Variants in PPIL6 observed in about 807,000 individuals in gnomAD.
The protein encoded by PPIL6 is peptidylprolyl isomerase like 6, also known as probable inactive peptidyl-prolyl cis-trans isomerase-like 6.
In PPIL6, 39 loss-of-function variants were observed where a neutral mutation model predicts 36.8. The ratio of observed to expected loss-of-function variants is 1.06; its 90% CI spans 0.82 to 1.38. The LOEUF (loss-of-function observed/expected upper bound fraction) is 1.38, where lower values mean the gene tolerates loss of function less well. PPIL6 is among the 40% of genes most tolerant of loss of function. The pLI, the probability that PPIL6 is intolerant of heterozygous loss-of-function variation, is 0.00. For synonymous variants in PPIL6, 123 were observed against 134.1 expected (o/e 0.92, Z 0.57); for missense variants, 368 against 379.1 (o/e 0.97, Z 0.24).
chr6:109,405,901 T>C (rs1450561570), intron 6 of PPIL6, among the ~76,000 whole-genome samples: 2 of 152,230 alleles, frequency 1.3e-5, no homozygotes, highest in African/African-American at 4.8e-5. Flanking sequence ...ATTTAACATA[T>C]GTAAAACTGT....
At chr6:109,401,345 A>G (rs1418619401) in intron 6 of PPIL6, among the ~76,000 whole-genome samples, 2 of 152,240 alleles carry the variant, frequency 1.3e-5, no homozygotes, top group Non-Finnish European at 2.9e-5. Flanking sequence ...GTTCAAATAC[A>G]CAGAAGGAAA....
chr6:109,396,578 A>G (rs1253519941), intron 7 of PPIL6, among the ~76,000 whole-genome samples: 1 of 152,122 alleles, frequency 6.6e-6, no homozygotes, highest in Non-Finnish European at 1.5e-5. Context: ...TAGCTTCTCT[A>G]TCTGGCTAAC....
In PPIL6 at chr6:109,390,800, A is replaced by G. The variant is rs991389001; in HGVS notation, c.*2026T>C. ...TTTGTAAGCGTAGCCACTGGGGAAAATGGGTGAAAGGTACACAGGACTGCT... is the reference window on the plus strand; with the variant it reads ...TTTGTAAGCGTAGCCACTGGGGAAAGTGGGTGAAAGGTACACAGGACTGCT... On this transcript the variant is annotated 3_prime_UTR_variant, in exon 8 of 8. Coordinates refer to ENST00000521072, the MANE Select transcript of PPIL6 (RefSeq NM_173672.5). 3.9e-5 allele frequency: 6 copies of G among 152,184 alleles called. No individual in the cohort carries two copies. Among genetic ancestry groups the G allele is most frequent in the Admixed American group, 2.0e-4 (3 of 15,270 alleles). The allele number at this position is 152,184 out of a possible 1,614,324, so 9.4% of individuals were successfully genotyped here. A position where few individuals can be genotyped will look rare whatever the true frequency, so the allele number is the denominator to read the frequency against.
chr6:109,440,395 C>A, intron 1 of PPIL6, 61 bp downstream of exon 1: 1 of 1,518,572 alleles, frequency 6.6e-7, no homozygotes, highest in Middle Eastern at 1.7e-4. Flanking sequence ...GCCTGCAGTC[C>A]ACGCGGCCGA....
At chr6:109,440,819 C>CG, upstream of PPIL6, 1 of 383,172 alleles carries the variant, frequency 2.6e-6, no homozygotes, top group Non-Finnish European at 4.5e-6. Flanking sequence ...GCCGCCCACC[C>CG]GGGGGCGCTC....
intron 5 of PPIL6, among the ~76,000 whole-genome samples, chr6:109,426,380 A>G (rs775541168): frequency 7.2e-5 from 11 of 152,204 alleles, no homozygotes; most frequent in Non-Finnish European, 1.3e-4. Context: ...ACTGACCTGA[A>G]AAGAAAGAGA....
intron 3 of PPIL6, among the ~76,000 whole-genome samples, chr6:109,428,024 T>C (rs1773916000): frequency 6.6e-6 from 1 of 152,048 alleles, no homozygotes; most frequent in African/African-American, 2.4e-5. Flanking sequence ...GCACCAGAGA[T>C]AGGGAAGAGA....
rs1253107741 is a variant in PPIL6 at position 109,391,935 on chromosome 6, C to T, written c.*891G>A. The T allele has an allele frequency of 2.0e-5, 3 of 152,164 alleles. No homozygotes were observed. 9.4% of individuals were successfully genotyped at this position (152,164 alleles called of 1,614,324 possible). On this transcript the variant is annotated 3_prime_UTR_variant, in exon 8 of 8. Transcript: ENST00000521072. ...TATTTGGTTACTTACCAAGTTTCTC[C>T]TAGGAGTACATGTAGTTACAAACAA... is the stretch of plus-strand genomic sequence containing the variant.
chr6:109,412,077 G>A (rs1773037359), intron 6 of PPIL6, among the ~76,000 whole-genome samples: 1 of 152,250 alleles, frequency 6.6e-6, no homozygotes, highest in African/African-American at 2.4e-5. Context: ...GTCCATCAAT[G>A]TGCCATGTCA....
rs79034279 is a variant in PPIL6 at position 109,398,757 on chromosome 6, T to C, written c.824+1278A>G. Among the ~76,000 whole-genome samples, 109 of 152,336 alleles carry C rather than the reference T, an allele frequency of 7.2e-4. 1 individual carries two copies. In the East Asian group the frequency reaches 0.019, roughly 27 times the overall value. ...CCTCTTCATGATGTCCATGGACAATTATTGAAATGACTTCACCTCTTCACT... is the reference window on the plus strand; with the variant it reads ...CCTCTTCATGATGTCCATGGACAATCATTGAAATGACTTCACCTCTTCACT... On this transcript the variant is annotated intron_variant, in intron 7 of 7. Coordinates refer to ENST00000521072, the MANE Select transcript of PPIL6 (RefSeq NM_173672.5).
chr6:109,424,583 C>G (rs1035801301), intron 5 of PPIL6, among the ~76,000 whole-genome samples: 18 of 152,288 alleles, frequency 1.2e-4, no homozygotes, highest in African/African-American at 4.3e-4. Flanking sequence ...TAAAATGAGG[C>G]TGAGACCTAC....
At chr6:109,426,369 G>A (rs1773814276) in intron 5 of PPIL6, among the ~76,000 whole-genome samples, 1 of 152,026 alleles carries the variant, frequency 6.6e-6, no homozygotes, top group South Asian at 2.1e-4. Flanking sequence ...AAAACCAAAG[G>A]ACTGACCTGA....
chr6:109,417,355 T>C (rs530746093), intron 6 of PPIL6, among the ~76,000 whole-genome samples: 6 of 148,130 alleles, frequency 4.1e-5, no homozygotes, highest in Non-Finnish European at 4.4e-5. Flanking sequence ...CAAGTCCAGC[T>C]TGGGGAATAC....
At chr6:109,406,132 G>A (rs1159587439) in intron 6 of PPIL6, among the ~76,000 whole-genome samples, 2 of 151,566 alleles carry the variant, frequency 1.3e-5, no homozygotes, top group Non-Finnish European at 2.9e-5. Flanking sequence ...GCTCACTGCA[G>A]CCTTGGACCT....
chr6:109,439,873 C>A (rs1267047408), intron 1 of PPIL6, among the ~76,000 whole-genome samples: 1 of 152,204 alleles, frequency 6.6e-6, no homozygotes, highest in Non-Finnish European at 1.5e-5. Context: ...TGGCCAAATT[C>A]TTCCAGTTTC....
intron 5 of PPIL6, among the ~76,000 whole-genome samples, chr6:109,423,095 G>A (rs746880897): frequency 6.6e-6 from 1 of 152,116 alleles, no homozygotes; most frequent in African/African-American, 2.4e-5. Flanking sequence ...AGCTGGGCAC[G>A]GTGGCTCATG....
At chr6:109,419,136 A>G in intron 6 of PPIL6, 51 bp downstream of exon 6, 1 of 1,063,512 alleles carries the variant, frequency 9.4e-7, no homozygotes, top group Non-Finnish European at 1.5e-6. Flanking sequence ...CAGTCCTGTT[A>G]AGTTTGAATA....
intron 6 of PPIL6, among the ~76,000 whole-genome samples, chr6:109,404,348 TTC>T (rs1485386490): frequency 5.3e-5 from 8 of 152,176 alleles, no homozygotes; most frequent in African/African-American, 1.9e-4. Flanking sequence ...GTACAGTGGA[TTC>T]TCATCAGGGA....
chr6:109,405,543 T>C lies in PPIL6; in HGVS notation c.689-5373A>G, dbSNP rs1582538928. The stretch of plus-strand genomic sequence containing the variant: ...TTGCTCTGTCCTCTGTCCTGTCAGT[T>C]CTGCTATAATACTTGTTTTGAAAAT... On this transcript the variant is annotated intron_variant, in intron 6 of 7. Transcript: ENST00000521072. 2.0e-5 allele frequency among the ~76,000 whole-genome samples: 3 copies of C among 152,234 alleles called. No homozygotes were observed. In the South Asian group the frequency reaches 6.2e-4, roughly 31 times the overall value.
Sources: allele counts gnomAD v4.1 joint callset (sites outside exome capture counted in the v4.1 genomes callset), GRCh38; gene constraint gnomAD v4.1.1; transcripts MANE v1.5; gene names NCBI Gene and HGNC (gene_info 2026-07-23, HGNC 2026-07-21).